The following CDH18 variants were observed in gnomAD, a reference collection of about 807,000 sequenced individuals.
CDH18 encodes the protein cadherin 18.
CDH18 carries 31 observed loss-of-function variants against 67.9 expected under a neutral mutation model. That is an observed-to-expected ratio of 0.46 (90% CI 0.34 to 0.62). The LOEUF (loss-of-function observed/expected upper bound fraction) is 0.62. Among genes scored for constraint, CDH18 ranks in the 20% least tolerant of loss-of-function variants. CDH18 has a pLI of 0.01. For synonymous variants in CDH18, 362 were observed against 347.2 expected, an observed-to-expected ratio of 1.04 and a Z score of -0.48; for missense variants, 890 against 975.5, an observed-to-expected ratio of 0.91 and a Z score of 1.17.
rs1351361955 is a variant in CDH18, at chr5:20,095,444, A to AAAGAAAAG, written c.-517-103431_-517-103430insCTTTTCTT. Reference sequence around the variant, plus strand: ...GAAAGAAAGAAAGAAAGAAAGAAAGAAAAGAAAGAAAGAAAGAAGAAAGAA... The same window carrying AAAGAAAAG: ...GAAAGAAAGAAAGAAAGAAAGAAAGAAAGAAAAGAAAGAAAGAAAGAAAGAAGAAAGAA... On this transcript the variant is annotated intron_variant, in intron 2 of 14. Transcript: ENST00000507958. Among the ~76,000 whole-genome samples, 322 of 81,878 alleles carry AAAGAAAAG rather than the reference A, an allele frequency of 3.9e-3. 3 individuals carry two copies. Among genetic ancestry groups the AAAGAAAAG allele is most frequent in the African/African-American group, 0.014 (294 of 21,710 alleles). The allele number at this position is 81,878 out of a possible 152,430, so 53.7% of individuals were successfully genotyped here. A position where few individuals can be genotyped will look rare whatever the true frequency, so the allele number is the denominator to read the frequency against.
At chr5:20,166,333 C>T (rs1379887908) in intron 2 of CDH18, among the ~76,000 whole-genome samples, 2 of 149,170 alleles carry the variant, frequency 1.3e-5, no homozygotes, top group Non-Finnish European at 1.5e-5. Context: ...CTCAGCTGCT[C>T]GGGAGGCTGA....
At chr5:20,230,639 TTCATCATCA>T (rs59175546) in intron 2 of CDH18, among the ~76,000 whole-genome samples, 2 of 150,856 alleles carry the variant, frequency 1.3e-5, no homozygotes, top group Non-Finnish European at 3.0e-5. Context: ...AGTATAGACT[TTCATCATCA>T]TCATCATCAT....
intron 11 of CDH18, among the ~76,000 whole-genome samples, chr5:19,497,967 T>C (rs1423983280): frequency 6.6e-6 from 1 of 152,056 alleles, no homozygotes; most frequent in Non-Finnish European, 1.5e-5. Flanking sequence ...AGACAAAGGA[T>C]TTTTTACTTA....
At chr5:20,062,140 A>AATTATTATTATTATTATTATTATT (rs113839953) in intron 2 of CDH18, among the ~76,000 whole-genome samples, 24 of 137,936 alleles carry the variant, frequency 1.7e-4, no homozygotes, top group Non-Finnish European at 2.5e-4. Flanking sequence ...TTAAGCCCAG[A>AATTATTATTATTATTATTATTATT]ATTATTATTA....
At chr5:20,059,663 C>T (rs748569938) in intron 2 of CDH18, among the ~76,000 whole-genome samples, 37 of 152,208 alleles carry the variant, frequency 2.4e-4, no homozygotes, top group South Asian at 2.1e-3. Context: ...TACATGCACA[C>T]GTATGTTTAT....
Position 19,838,970 on chromosome 5 carries a change from G to A in CDH18, c.17C>T (p.Thr6Ile), listed in dbSNP as rs544156822. 3.1e-6 allele frequency: 5 copies of A among 1,611,738 alleles called. No individual in the cohort carries two copies. The highest frequency in any genetic ancestry group is 2.2e-5 in the East Asian group (1 of 44,802). The change falls in exon 3 of 13, where the codon ACA becomes ATA. Residue 6 changes from threonine (T) to isoleucine (I), a missense_variant. By Grantham distance (89) the Thr-to-Ile change is moderately conservative. Coordinates refer to ENST00000382275, the MANE Select transcript of CDH18 (RefSeq NM_004934.5). ...CACTAGGACTGGACAGATGCAAGAT[G>A]TGCTAGTAATTTTCATTGTAAGATA... MKITS[T>I]SCICPVLVCL... is the part of the protein sequence containing the mutation.
chr5:19,486,440 T>C (rs1345444343), intron 11 of CDH18, among the ~76,000 whole-genome samples: 3 of 152,048 alleles, frequency 2.0e-5, no homozygotes, highest in African/African-American at 7.2e-5. Flanking sequence ...CTTGCTGAAA[T>C]TGCAAAATTA....
intron 12 of CDH18, among the ~76,000 whole-genome samples, chr5:19,477,059 A>G (rs1738583628): frequency 6.6e-6 from 1 of 150,662 alleles, no homozygotes; most frequent in African/African-American, 2.4e-5. Flanking sequence ...AGTATTTGCT[A>G]CCTTTCTGGA....
intron 2 of CDH18, among the ~76,000 whole-genome samples, chr5:20,060,618 G>A (rs747380676): frequency 2.0e-5 from 3 of 152,028 alleles, no homozygotes; most frequent in African/African-American, 4.8e-5. Context: ...AAAAATGTGA[G>A]CCCCGTGTAG....
chr5:19,897,254 T>C (rs1191875763), intron 2 of CDH18, among the ~76,000 whole-genome samples: 1 of 151,874 alleles, frequency 6.6e-6, no homozygotes, highest in African/African-American at 2.4e-5. Flanking sequence ...AAAAAAGAAA[T>C]GGGCAAAATG....
chr5:20,149,559 AT>A (rs1750937670), intron 2 of CDH18, among the ~76,000 whole-genome samples: 1 of 152,224 alleles, frequency 6.6e-6, no homozygotes, highest in African/African-American at 2.4e-5. Flanking sequence ...AGGAATGGAA[AT>A]AAAAAACAAA....
At chr5:20,392,289 T>G (rs898477918) in intron 1 of CDH18, among the ~76,000 whole-genome samples, 1 of 151,818 alleles carries the variant, frequency 6.6e-6, no homozygotes, top group African/African-American at 2.4e-5. Flanking sequence ...TAAATATCAC[T>G]TTTCAAAACA....
intron 1 of CDH18, among the ~76,000 whole-genome samples, chr5:20,402,272 C>T (rs1289576725): frequency 6.6e-6 from 1 of 152,144 alleles, no homozygotes; most frequent in Admixed American, 6.6e-5. Flanking sequence ...GAGATGAACT[C>T]TGTGTATTTG....
At chr5:20,372,018 G>T (rs1348238689) in intron 1 of CDH18, among the ~76,000 whole-genome samples, 1 of 152,192 alleles carries the variant, frequency 6.6e-6, no homozygotes, top group Non-Finnish European at 1.5e-5. Flanking sequence ...AATGAGGAAG[G>T]TGATATTGAT....
chr5:20,499,964 T>A (rs905437092), intron 1 of CDH18, among the ~76,000 whole-genome samples: 3 of 152,092 alleles, frequency 2.0e-5, no homozygotes, highest in African/African-American at 7.2e-5. Flanking sequence ...TCTTGTAAAT[T>A]TTTTCAGCTA....
At chr5:19,802,830 G>A (rs1006271526) in intron 3 of CDH18, among the ~76,000 whole-genome samples, 6 of 152,266 alleles carry the variant, frequency 3.9e-5, no homozygotes, top group South Asian at 2.1e-4. Flanking sequence ...TATTATTTAC[G>A]GTTGTGTTAT....
chr5:20,423,977 C>A (rs1748076237), intron 1 of CDH18, among the ~76,000 whole-genome samples: 1 of 131,776 alleles, frequency 7.6e-6, no homozygotes, highest in African/African-American at 3.4e-5. Context: ...AAAAAATTGT[C>A]CTAGAAATAG....
intron 1 of CDH18, among the ~76,000 whole-genome samples, chr5:20,276,470 A>G (rs908747489): frequency 1.3e-5 from 2 of 152,330 alleles, no homozygotes. Flanking sequence ...AAGGCAAAGA[A>G]CAAATTCTGG....
intron 2 of CDH18, among the ~76,000 whole-genome samples, chr5:19,863,492 C>A (rs1785122006): frequency 6.6e-6 from 1 of 152,286 alleles, no homozygotes; most frequent in Middle Eastern, 3.4e-3. Flanking sequence ...CATTAAGCCT[C>A]CTGTCAAATT....
Sources: gnomAD v4.1 joint callset for allele counts (sites outside exome capture counted in the v4.1 genomes callset) on GRCh38, gnomAD v4.1.1 for gene constraint, MANE v1.5 for transcripts, NCBI Gene and HGNC (gene_info 2026-07-23, HGNC 2026-07-21) for gene names.